CYTH1: variants seen among roughly 807,000 people sequenced by gnomAD.
The protein encoded by CYTH1 is cytohesin 1.
CYTH1 carries 18 observed loss-of-function variants against 61.8 expected under a neutral mutation model. The observed-to-expected ratio is 0.29, with a 90% CI of 0.20 to 0.43. The LOEUF (loss-of-function observed/expected upper bound fraction) is 0.43, where lower values mean the gene tolerates loss of function less well. Ranked by LOEUF, CYTH1 falls within the 20% of genes least tolerant of loss-of-function variation. The pLI is 1.00. For missense variants in CYTH1, 336 were observed against 510.5 expected, an observed-to-expected ratio of 0.66 and a Z score of 3.29; for synonymous variants, 174 against 184.3, an observed-to-expected ratio of 0.94 and a Z score of 0.45.
chr17:78,696,701 C>T (rs1354724067), intron 9 of CYTH1: 3 of 152,220 alleles, frequency 2.0e-5, no homozygotes, highest in East Asian at 1.9e-4. Context: ...TTTTAAAATA[C>T]GAGATGCCTC....
At chr17:78,681,427 C>T (rs1043483729) in intron 11 of CYTH1, among the ~76,000 whole-genome samples, 1 of 152,160 alleles carries the variant, frequency 6.6e-6, no homozygotes, top group East Asian at 1.9e-4. Flanking sequence ...TTCCTAGTTT[C>T]ACCCTAGCGC....
chr17:78,777,895 G>T lies in CYTH1; in HGVS notation c.22+4307C>A, dbSNP rs148683082. ...CCTGTCCTAGGCTGATTCACAAAACGTTACCAACTTACGCAGCAGGGACAG... is the reference window on the plus strand; with the variant it reads ...CCTGTCCTAGGCTGATTCACAAAACTTTACCAACTTACGCAGCAGGGACAG... On this transcript the variant is annotated intron_variant, in intron 1 of 13. Transcript: ENST00000446868. Among the ~76,000 whole-genome samples, 446 of 151,664 alleles carry T rather than the reference G, an allele frequency of 2.9e-3. 3 individuals carry two copies. The highest frequency in any genetic ancestry group is 9.8e-3 in the African/African-American group (404 of 41,316).
chr17:78,711,515 A>C (rs1031760934), intron 1 of CYTH1, among the ~76,000 whole-genome samples: 1 of 152,098 alleles, frequency 6.6e-6, no homozygotes, highest in African/African-American at 2.4e-5. Flanking sequence ...TGGAATTAAC[A>C]TCTCTGCTTG....
chr17:78,675,649 T>A lies in CYTH1; in HGVS notation c.*442A>T, dbSNP rs2092690273. 8.5e-6 allele frequency: 3 copies of A among 353,444 alleles called. No individual in the cohort carries two copies. The highest frequency in any genetic ancestry group is 1.5e-5 in the Non-Finnish European group (3 of 198,558). The allele number at this position is 353,444 out of a possible 1,614,324, so 21.9% of individuals were successfully genotyped here. On this transcript the variant is annotated 3_prime_UTR_variant, in exon 14 of 14. Transcript: ENST00000446868. ...TCTCTCTTAAAAAAAAAAAAATAGA[T>A]CTTTATAGTATGTGGCTTCTCTTCC...
chr17:78,775,170 C>T (rs987233403), intron 1 of CYTH1, among the ~76,000 whole-genome samples: 1 of 152,238 alleles, frequency 6.6e-6, no homozygotes, highest in South Asian at 2.1e-4. Flanking sequence ...TATGACACCA[C>T]ACCTAACCCG....
chr17:78,733,701 A>G (rs957711960), intron 1 of CYTH1, among the ~76,000 whole-genome samples: 3 of 152,266 alleles, frequency 2.0e-5, no homozygotes, highest in African/African-American at 7.2e-5. Context: ...CAGAGGGGCC[A>G]ACCTGTGAGC....
chr17:78,690,487 CTGGCCAACA>C (rs1216137572), intron 11 of CYTH1, among the ~76,000 whole-genome samples: 1 of 147,776 alleles, frequency 6.8e-6, no homozygotes, highest in East Asian at 2.0e-4. Flanking sequence ...CAAGACCAGC[CTGGCCAACA>C]TGGTGAAACC....
intron 11 of CYTH1, among the ~76,000 whole-genome samples, chr17:78,682,560 C>A (rs1468412007): frequency 6.6e-6 from 1 of 151,970 alleles, no homozygotes; most frequent in East Asian, 1.9e-4. Flanking sequence ...TGTCCTCCAC[C>A]AGCATCCTGA....
chr17:78,677,833 A>C (rs1049659816), intron 13 of CYTH1: 4 of 152,278 alleles, frequency 2.6e-5, no homozygotes, highest in African/African-American at 9.6e-5. Flanking sequence ...TTCCACTGGG[A>C]GGAGTATCTA....
chr17:78,760,494 T>TAC lies in CYTH1; in HGVS notation c.22+21707_22+21708insGT, dbSNP rs1210007899. ...ATGTATATATATGTATGTATATATA[T>TAC]ATACATATATATGTATATATATGTA... On this transcript the variant is annotated intron_variant, in intron 1 of 13. Coordinates refer to ENST00000446868, the MANE Select transcript of CYTH1 (RefSeq NM_004762.6). Among the ~76,000 whole-genome samples the TAC allele has an allele frequency of 9.3e-3, 459 of 49,608 alleles. 57 individuals are homozygous for TAC. The highest frequency in any genetic ancestry group is 0.042 in the African/African-American group (405 of 9,550). The allele number at this position is 49,608 out of a possible 152,430, so 32.5% of individuals were successfully genotyped here.
chr17:78,781,763 C>G (rs1598937622), intron 1 of CYTH1, among the ~76,000 whole-genome samples: 1 of 151,982 alleles, frequency 6.6e-6, no homozygotes, highest in African/African-American at 2.4e-5. Context: ...GCGGCAGGGC[C>G]AGCGACCTCC....
At chr17:78,726,550 T>C (rs1351751039) in intron 1 of CYTH1, among the ~76,000 whole-genome samples, 1 of 151,940 alleles carries the variant, frequency 6.6e-6, no homozygotes, top group Admixed American at 6.6e-5. Context: ...CAAGGTGCTA[T>C]GCGGAGTGGG....
rs570490017 is a variant in CYTH1, at chr17:78,758,202, G to T, written c.22+24000C>A. Among the ~76,000 whole-genome samples the T allele has an allele frequency of 2.2e-4, 33 of 152,306 alleles. No individual in the cohort carries two copies. In the South Asian group the frequency reaches 5.8e-3, roughly 27 times the overall value. On this transcript the variant is annotated intron_variant, in intron 1 of 13. Coordinates refer to ENST00000446868, the MANE Select transcript of CYTH1 (RefSeq NM_004762.6). ...CAAAGTGGAAACTTCTAAATAACAA[G>T]ACAGGATGATTAATTAAACTATGCT...
At chr17:78,738,145 G>A (rs1368852373) in intron 1 of CYTH1, among the ~76,000 whole-genome samples, 3 of 152,096 alleles carry the variant, frequency 2.0e-5, no homozygotes, top group South Asian at 2.1e-4. Context: ...AGAACTGCTG[G>A]ATCCAGACAT....
rs2093186691 is a variant in CYTH1 at position 78,717,032 on chromosome 17, G to C, written c.23-7300C>G. The C allele has an allele frequency of 6.6e-6, 1 of 152,292 alleles. No homozygotes were observed. The highest frequency in any genetic ancestry group is 2.1e-4 in the South Asian group (1 of 4,836). 9.4% of individuals were successfully genotyped at this position (152,292 alleles called of 1,614,324 possible). ...TAGCCATTAGGGTTAAACTGCAAAA[G>C]AACGGCTCAGATGGGCCAGATGGCA... On this transcript the variant is annotated intron_variant, in intron 1 of 13. Coordinates refer to ENST00000446868, the MANE Select transcript of CYTH1 (RefSeq NM_004762.6). This position sits in a 1 kb window ranked among gnomAD's most constrained non-coding sequence, Gnocchi z 4.4.
Position 78,770,113 on chromosome 17 carries a change from G to A in CYTH1, c.22+12089C>T, listed in dbSNP as rs149113341. On this transcript the variant is annotated intron_variant, in intron 1 of 13. Transcript: ENST00000446868. Reference sequence around the variant, plus strand: ...TGCAGTGAGCCGAGATCGCACCACTGCACTCCAGCCTGACGACACAGCAAG... The same window carrying A: ...TGCAGTGAGCCGAGATCGCACCACTACACTCCAGCCTGACGACACAGCAAG... Among the ~76,000 whole-genome samples, 390 of 150,972 alleles carry A rather than the reference G, an allele frequency of 2.6e-3. 2 individuals carry two copies. Among genetic ancestry groups the A allele is most frequent in the African/African-American group, 6.5e-3 (268 of 41,040 alleles).
chr17:78,768,028 C>A (rs189175007), intron 1 of CYTH1, among the ~76,000 whole-genome samples: 1 of 152,142 alleles, frequency 6.6e-6, no homozygotes. Flanking sequence ...TGAGACCGAT[C>A]GTCCTGGAGG....
At chr17:78,760,774 G>A (rs969374332) in intron 1 of CYTH1, among the ~76,000 whole-genome samples, 2 of 151,530 alleles carry the variant, frequency 1.3e-5, no homozygotes, top group South Asian at 4.2e-4. Context: ...CAGGTATCAA[G>A]TAAGTCTGAT....
chr17:78,782,175 A>G, intron 1 of CYTH1, 27 bp downstream of exon 1: 3 of 1,357,370 alleles, frequency 2.2e-6, no homozygotes, highest in South Asian at 1.6e-5. Flanking sequence ...AGCGAGGGGG[A>G]AGCGTCCGCC....
Sources: allele counts gnomAD v4.1 joint callset (sites outside exome capture counted in the v4.1 genomes callset), GRCh38; gene constraint gnomAD v4.1.1; non-coding constraint Gnocchi (gnomAD v3.1); transcripts MANE v1.5; gene names NCBI Gene and HGNC (gene_info 2026-07-23, HGNC 2026-07-21).